Variants in RABGEF1 observed in about 807,000 individuals in gnomAD.
The protein encoded by RABGEF1 is RAB guanine nucleotide exchange factor 1.
A neutral mutation model predicts 57.3 loss-of-function variants in RABGEF1; 26 were observed. The ratio of observed to expected loss-of-function variants is 0.45; its 90% confidence interval spans 0.33 to 0.63. The LOEUF is 0.63. Ranked by LOEUF, RABGEF1 falls within the 20% of genes least tolerant of loss-of-function variation. The pLI is 0.02. For synonymous variants in RABGEF1, 185 were observed against 210.7 expected (o/e 0.88, Z 1.06); for missense variants, 464 against 607.6 (o/e 0.76, Z 2.48).
chr7:66,665,882 G>A, the RABGEF1 span, among the ~76,000 whole-genome samples: 76 of 152,264 alleles, frequency 5.0e-4, no homozygotes, highest in Admixed American at 3.3e-4. Context: ...ATTTCATTCC[G>A]GTGTGATGAG....
At chr7:66,773,142 G>A (rs1460901326) in intron 2 of RABGEF1, among the ~76,000 whole-genome samples, 1 of 145,872 alleles carries the variant, frequency 6.9e-6, no homozygotes, top group Admixed American at 6.9e-5. Flanking sequence ...GCTGTCATTT[G>A]TAGTGAACTC....
At chr7:66,664,971 G>C in the RABGEF1 span, among the ~76,000 whole-genome samples, 2 of 152,216 alleles carry the variant, frequency 1.3e-5, no homozygotes, top group African/African-American at 2.4e-5. Flanking sequence ...GTGGCTTCTA[G>C]GCCAGAGGGG....
At chr7:66,687,857 G>A (rs139379757) in intron 1 of RABGEF1, among the ~76,000 whole-genome samples, 36 of 152,126 alleles carry the variant, frequency 2.4e-4, no homozygotes, top group African/African-American at 8.2e-4. Context: ...AGGCTGAGGC[G>A]GGCAGATCCC....
intron 3 of RABGEF1, among the ~76,000 whole-genome samples, chr7:66,781,671 C>T (rs1223679749): frequency 6.6e-6 from 1 of 152,220 alleles, no homozygotes; most frequent in East Asian, 1.9e-4. Flanking sequence ...GTGCGGTAGT[C>T]AGCCACACTC....
At position 66,766,686 on chromosome 7, in the gene RABGEF1, G is replaced by A. The variant is rs1217935571; in HGVS notation, c.-17-5197G>A. ...TCTCTAAGGTAGATTACCACCCGTC[G>A]TCTTTCCATTCCCACTGTTACCTCT... On this transcript the variant is annotated intron_variant, in intron 1 of 8. Transcript: ENST00000284957. Among the ~76,000 whole-genome samples the A allele has an allele frequency of 6.6e-5, 10 of 151,674 alleles. No individual in the cohort carries two copies. The East Asian group carries it at 7.8e-4, about 12-fold the overall frequency.
In RABGEF1 at chr7:66,793,806, C is replaced by CAGGTAAA. The variant is rs1481109156; in HGVS notation, c.514-1705_514-1704insAGGTAAA. On this transcript the variant is annotated intron_variant, in intron 4 of 8. Transcript: ENST00000284957. The stretch of plus-strand genomic sequence containing the variant: ...ACTGCTCCTGACCCCAAGTGTCCTG[C>CAGGTAAA]CATCCTTTTAGAGTTAAGCCAGATG... Among the ~76,000 whole-genome samples, 42 of 152,270 alleles carry CAGGTAAA rather than the reference C, an allele frequency of 2.8e-4. No individual in the cohort carries two copies. The East Asian group carries it at 6.9e-3, about 25-fold the overall frequency.
chr7:66,789,630 C>G lies in RABGEF1; in HGVS notation c.513+5789C>G, dbSNP rs1291649534. Among the ~76,000 whole-genome samples the G allele has an allele frequency of 5.8e-5, 8 of 137,968 alleles. 1 individual carries two copies. In the Admixed American group the frequency reaches 6.7e-4, roughly 11 times the overall value. 90.5% of individuals were successfully genotyped at this position (137,968 alleles called of 152,430 possible). On this transcript the variant is annotated intron_variant, in intron 4 of 8. Transcript: ENST00000284957. ...CCCGGGAGGCGGAGCTTGCAGTGAGCCTAGATCACGCCACTGCACTCCAGC... is the reference window on the plus strand; with the variant it reads ...CCCGGGAGGCGGAGCTTGCAGTGAGGCTAGATCACGCCACTGCACTCCAGC...
chr7:66,737,913 T>C (rs1798195225), upstream of RABGEF1, among the ~76,000 whole-genome samples: 1 of 152,188 alleles, frequency 6.6e-6, no homozygotes, highest in Admixed American at 6.5e-5. Flanking sequence ...GCCCAGATAT[T>C]TGCATAGCAG....
chr7:66,747,762 A>G (rs1800580087), intron 1 of RABGEF1, among the ~76,000 whole-genome samples: 1 of 152,176 alleles, frequency 6.6e-6, no homozygotes, highest in African/African-American at 2.4e-5. Context: ...AACATAGAAA[A>G]TGTTTATTAA....
chr7:66,793,968 C>T (rs1254497368), intron 4 of RABGEF1, among the ~76,000 whole-genome samples: 1 of 152,168 alleles, frequency 6.6e-6, no homozygotes, highest in African/African-American at 2.4e-5. Flanking sequence ...CTGTGACATC[C>T]TTATGAGAAC....
At chr7:66,713,304 G>A (rs182119135) in intron 2 of RABGEF1, among the ~76,000 whole-genome samples, 34 of 152,110 alleles carry the variant, frequency 2.2e-4, no homozygotes, top group African/African-American at 6.7e-4. Flanking sequence ...ACCATGCCCA[G>A]CTAATTTTTT....
chr7:66,764,045 T>C (rs1269970402), intron 1 of RABGEF1, among the ~76,000 whole-genome samples: 1 of 152,250 alleles, frequency 6.6e-6, no homozygotes, highest in East Asian at 1.9e-4. Flanking sequence ...TTTGAGAAAC[T>C]GCCAGACTTC....
the RABGEF1 span, among the ~76,000 whole-genome samples, chr7:66,668,572 G>A: frequency 2.6e-5 from 4 of 152,316 alleles, no homozygotes; most frequent in Non-Finnish European, 5.9e-5. Context: ...TAGGAAGTGA[G>A]GGCTATTGTG....
chr7:66,760,787 A>G (rs1012658797), intron 1 of RABGEF1, among the ~76,000 whole-genome samples: 2 of 151,628 alleles, frequency 1.3e-5, no homozygotes, highest in Non-Finnish European at 2.9e-5. Flanking sequence ...CGAGGGGAAG[A>G]GATTTTTGAA....
At chr7:66,800,913 G>C in intron 7 of RABGEF1, among the ~76,000 whole-genome samples, 1 of 152,320 alleles carries the variant, frequency 6.6e-6, no homozygotes, top group South Asian at 2.1e-4. Flanking sequence ...GCATAGCTGT[G>C]TTCCATGAAT....
At chr7:66,687,483 CAAAAAAA>C (rs67647811) in intron 1 of RABGEF1, among the ~76,000 whole-genome samples, 2 of 120,862 alleles carry the variant, frequency 1.7e-5, no homozygotes, top group Non-Finnish European at 3.4e-5. Flanking sequence ...TTGTTTAAGC[CAAAAAAA>C]AAAAAAAAAG....
intron 1 of RABGEF1, chr7:66,748,945 A>G: frequency 4.5e-6 from 1 of 222,576 alleles, no homozygotes; most frequent in Non-Finnish European, 9.7e-6. Flanking sequence ...TTTATGTCAT[A>G]AGAGCAAGGC....
intron 1 of RABGEF1, among the ~76,000 whole-genome samples, chr7:66,753,560 G>A (rs971407438): frequency 1.1e-4 from 17 of 151,996 alleles, no homozygotes; most frequent in Non-Finnish European, 1.2e-4. Flanking sequence ...TTTGGGCCAG[G>A]GTCTCTCTGC....
chr7:66,783,602 T>G, intron 3 of RABGEF1, 73 bp from the exon 4 acceptor site: 4 of 1,293,834 alleles, frequency 3.1e-6, no homozygotes, highest in Non-Finnish European at 4.2e-6. Context: ...TAACCTTAGG[T>G]AAGATACTTA....
Sources: allele counts gnomAD v4.1 joint callset (sites outside exome capture counted in the v4.1 genomes callset), GRCh38; gene constraint gnomAD v4.1.1; transcripts MANE v1.5; gene names NCBI Gene and HGNC (gene_info 2026-07-23, HGNC 2026-07-21).